UCHL5: variants seen among roughly 807,000 people sequenced by gnomAD.
The protein encoded by UCHL5 is ubiquitin C-terminal hydrolase L5.
In UCHL5, 34 loss-of-function variants were observed where a neutral mutation model predicts 53.8. The observed-to-expected ratio is 0.63, with a 90% CI of 0.48 to 0.84. UCHL5 has a LOEUF of 0.84. UCHL5 is among the 40% of genes least tolerant of loss of function. The pLI is 0.00. For missense variants in UCHL5, 290 were observed against 385.6 expected, an observed-to-expected ratio of 0.75 and a Z score of 2.08; for synonymous variants, 111 against 126.3, an observed-to-expected ratio of 0.88 and a Z score of 0.81.
chr1:193,037,592 A>T (rs2102605909), intron 3 of UCHL5, among the ~76,000 whole-genome samples: 1 of 152,286 alleles, frequency 6.6e-6, no homozygotes, highest in Admixed American at 6.5e-5. Flanking sequence ...TCTTCAAAAA[A>T]ATTGAAGAAG....
At chr1:193,021,480 C>G (rs948853325) in intron 9 of UCHL5, among the ~76,000 whole-genome samples, 1 of 152,320 alleles carries the variant, frequency 6.6e-6, no homozygotes, top group East Asian at 1.9e-4. Flanking sequence ...AACAACTAAA[C>G]ATCTACAAGC....
chr1:193,044,660 T>A (rs769460284), intron 3 of UCHL5, among the ~76,000 whole-genome samples: 3 of 152,168 alleles, frequency 2.0e-5, no homozygotes, highest in Admixed American at 6.5e-5. Context: ...TTAATCTGTA[T>A]AACCTTATCA....
chr1:193,027,959 C>G (rs754300399), intron 7 of UCHL5, 126 bp downstream of exon 7: 1 of 1,495,138 alleles, frequency 6.7e-7, no homozygotes, highest in Non-Finnish European at 8.9e-7. Flanking sequence ...CCCGTCTCTA[C>G]GAAAAATTAA....
chr1:193,045,075 A>C (rs755147246), intron 3 of UCHL5, among the ~76,000 whole-genome samples: 9 of 152,204 alleles, frequency 5.9e-5, no homozygotes, highest in Non-Finnish European at 1.0e-4. Flanking sequence ...ATACCTTAAA[A>C]GTAGCTAGGT....
At position 193,038,156 on chromosome 1, in the gene UCHL5, A is replaced by T. The variant is rs1019408931; in HGVS notation, c.247-8499T>A. Among the ~76,000 whole-genome samples, 4 of 152,086 alleles carry T rather than the reference A, an allele frequency of 2.6e-5. No homozygotes were observed. In the South Asian group the frequency reaches 6.2e-4, roughly 24 times the overall value. On this transcript the variant is annotated intron_variant, in intron 3 of 10. Transcript: ENST00000367454. ...TCACAGCTAATATCATACTGAATTT[A>T]AAAAAAGTTAAAGTCTTAGGCCGGG...
chr1:193,039,239 A>C (rs1312012781), intron 3 of UCHL5, among the ~76,000 whole-genome samples: 3 of 151,780 alleles, frequency 2.0e-5, no homozygotes, highest in Non-Finnish European at 4.4e-5. Context: ...GCAAAATCCT[A>C]TCTCTACTAA....
rs1157114637 is a variant in UCHL5 at position 193,047,379 on chromosome 1, CA to C, written c.246+2366del. Among the ~76,000 whole-genome samples, 30 of 151,724 alleles carry C rather than the reference CA, an allele frequency of 2.0e-4. No homozygotes were observed. In the East Asian group the frequency reaches 5.4e-3, roughly 27 times the overall value. On this transcript the variant is annotated intron_variant, in intron 3 of 10. Coordinates refer to ENST00000367454, the MANE Select transcript of UCHL5 (RefSeq NM_001199261.3). ...TTGCTGTAATGTTAAGTTCTGCTATCAGAAAAAAAACAAATGATACATTTTT... is the reference window on the plus strand; with the variant it reads ...TTGCTGTAATGTTAAGTTCTGCTATCGAAAAAAAACAAATGATACATTTTT...
intron 6 of UCHL5, 85 bp downstream of exon 6, chr1:193,029,094 A>T: frequency 1.3e-6 from 2 of 1,508,482 alleles, no homozygotes; most frequent in Non-Finnish European, 1.8e-6. Context: ...TTACCTTGAA[A>T]ATTTAAGCAG....
Position 193,021,078 on chromosome 1 carries a change from C to T in UCHL5, c.942+19G>A. The T allele has an allele frequency of 1.3e-6, 2 of 1,503,374 alleles. No homozygotes were observed. Among genetic ancestry groups the T allele is most frequent in the South Asian group, 2.3e-5 (2 of 86,944 alleles). 93.1% of individuals were successfully genotyped at this position (1,503,374 alleles called of 1,614,324 possible). A position where few individuals can be genotyped will look rare whatever the true frequency, so the allele number is the denominator to read the frequency against. Reference sequence around the variant, plus strand: ...GAGACTCTAAACTTAATTTAAGTATCTACCAATAAAATACTTACCTTTTCT... The same window carrying T: ...GAGACTCTAAACTTAATTTAAGTATTTACCAATAAAATACTTACCTTTTCT... On this transcript the variant is annotated intron_variant, in intron 10 of 10. Coordinates refer to ENST00000367454, the MANE Select transcript of UCHL5 (RefSeq NM_001199261.3).
intron 3 of UCHL5, among the ~76,000 whole-genome samples, chr1:193,039,367 C>T (rs1416713340): frequency 6.6e-6 from 1 of 152,122 alleles, no homozygotes; most frequent in Non-Finnish European, 1.5e-5. Flanking sequence ...CAAGATCGTG[C>T]CACTACATTC....
intron 1 of UCHL5, among the ~76,000 whole-genome samples, chr1:193,055,541 A>G (rs890173662): frequency 6.6e-6 from 1 of 152,210 alleles, no homozygotes; most frequent in Admixed American, 6.5e-5. Flanking sequence ...CATCTATGAA[A>G]CTGGCAAGCC....
intron 1 of UCHL5, among the ~76,000 whole-genome samples, chr1:193,054,818 G>T (rs1171098657): frequency 6.6e-6 from 1 of 152,140 alleles, no homozygotes; most frequent in Non-Finnish European, 1.5e-5. Flanking sequence ...TTTCAAATCT[G>T]CCCTAACTTA....
chr1:193,033,856 A>G (rs947850800), intron 3 of UCHL5, among the ~76,000 whole-genome samples: 1 of 152,192 alleles, frequency 6.6e-6, no homozygotes, highest in African/African-American at 2.4e-5. Flanking sequence ...ACTAGAGAAT[A>G]GAGAAGGAAA....
At chr1:193,035,794 G>T (rs1169172804) in intron 3 of UCHL5, among the ~76,000 whole-genome samples, 1 of 151,922 alleles carries the variant, frequency 6.6e-6, no homozygotes, top group Non-Finnish European at 1.5e-5. Context: ...GCAACCTGTT[G>T]AAACAGACAA....
intron 1 of UCHL5, among the ~76,000 whole-genome samples, chr1:193,052,394 T>C (rs1429493308): frequency 6.6e-6 from 1 of 152,152 alleles, no homozygotes; most frequent in East Asian, 1.9e-4. Context: ...TTATTGTCAT[T>C]ATTGTCACTG....
chr1:193,048,308 A>T (rs775738731), intron 3 of UCHL5, among the ~76,000 whole-genome samples: 2 of 152,230 alleles, frequency 1.3e-5, no homozygotes, highest in Non-Finnish European at 2.9e-5. Flanking sequence ...AAAATTTAAA[A>T]ATTAGAAGTT....
chr1:193,058,201 T>G (rs1192701219), intron 1 of UCHL5, among the ~76,000 whole-genome samples: 1 of 151,890 alleles, frequency 6.6e-6, no homozygotes, highest in Non-Finnish European at 1.5e-5. Flanking sequence ...CACTCCAGCC[T>G]GGGCGACAGA....
chr1:193,039,920 G>T (rs150720051), intron 3 of UCHL5, among the ~76,000 whole-genome samples: 14 of 152,234 alleles, frequency 9.2e-5, no homozygotes, highest in African/African-American at 3.1e-4. Flanking sequence ...CCAATAAATG[G>T]TTCTGGGAAA....
intron 2 of UCHL5, among the ~76,000 whole-genome samples, chr1:193,050,936 A>G (rs1451616321): frequency 2.0e-5 from 3 of 152,072 alleles, no homozygotes; most frequent in African/African-American, 7.2e-5. Context: ...TTTTTTAAAG[A>G]CAGTTCAAAT....
Sources: gnomAD v4.1 joint callset for allele counts (sites outside exome capture counted in the v4.1 genomes callset) on GRCh38, gnomAD v4.1.1 for gene constraint, MANE v1.5 for transcripts, NCBI Gene and HGNC (gene_info 2026-07-23, HGNC 2026-07-21) for gene names.